OR5P3: variants seen among roughly 807,000 people sequenced by gnomAD.
OR5P3 encodes the protein olfactory receptor family 5 subfamily P member 3, also known as olfactory receptor 5P3.
For missense variants in OR5P3, 415 were observed against 375.6 expected (o/e 1.10, Z -0.87); for synonymous variants, 172 against 141.8 (o/e 1.21, Z -1.51).
Position 7,825,197 on chromosome 11 carries a change from T to A in OR5P3, c.776A>T (p.Tyr259Phe). The A allele has an allele frequency of 6.2e-7, 1 of 1,611,846 alleles. No homozygotes were observed. The highest frequency in any genetic ancestry group is 8.5e-7 in the Non-Finnish European group (1 of 1,179,994). ...TLFYGTITFI[Y>F]VMPKSSYSTD... The stretch of plus-strand genomic sequence containing the variant: ...TGAGTAGCTGGACTTGGGCATCACA[T>A]AAATGAAGGTAATGGTCCCATAGAA... The change falls in exon 2 of 2, where the codon TAT becomes TTT. Residue 259 changes from tyrosine to phenylalanine, a missense_variant. Tyr to Phe is a conservative substitution (Grantham distance 22). Transcript: ENST00000641167.
At chr11:7,826,164 T>C (rs564818376) in intron 1 of OR5P3, among the ~76,000 whole-genome samples, 171 bp from the exon 2 acceptor site, 2 of 152,158 alleles carry the variant, frequency 1.3e-5, no homozygotes, top group East Asian at 3.9e-4. Context: ...ACATAAATGT[T>C]CACTGATGTA....
Position 7,825,248 on chromosome 11 carries a change from G to A in OR5P3, c.725C>T (p.Thr242Ile), listed in dbSNP as rs369932144. The change falls in exon 2 of 2, where the codon ACC becomes ATC. Residue 242 changes from threonine to isoleucine, a missense_variant. Coordinates refer to ENST00000641167, the MANE Select transcript of OR5P3 (RefSeq NM_153445.2). ...KGRHKAFSTCTSHLTAVTLFY... is the reference protein window; with the variant it reads ...KGRHKAFSTCISHLTAVTLFY... ...CAGAGTGACTGCAGTGAGGTGGGAG[G>A]TGCAGGTGGAGAAGGCCTTGTGGCG... is the stretch of plus-strand genomic sequence containing the variant. 6.2e-6 allele frequency: 10 copies of A among 1,613,082 alleles called. No homozygotes were observed. The East Asian group carries it at 1.6e-4, about 25-fold the overall frequency.
chr11:7,825,696 GGA>G lies in OR5P3; in HGVS notation c.275_276del (p.Leu92ProfsTer29). 6.2e-7 allele frequency: 1 copy of G among 1,613,224 alleles called. No individual in the cohort carries two copies. Among genetic ancestry groups the G allele is most frequent in the Non-Finnish European group, 8.5e-7 (1 of 1,180,038 alleles). ...LMSFLRKETSLPVAGCVAQLC... is the reference protein window; with the variant it reads ...LMSFLRKETSXPVAGCVAQLC... ...AGCTGGGCCACACAACCAGCAACAG[GGA>G]GAGAGGTTTCTTTCCTTAGGAAGCT... On this transcript the variant is annotated frameshift_variant, in exon 2 of 2. Transcript: ENST00000641167. LOFTEE classifies it low-confidence loss of function (END_TRUNC).
intron 1 of OR5P3, 127 bp from the exon 2 acceptor site, chr11:7,826,120 C>T: frequency 5.2e-6 from 3 of 575,060 alleles, no homozygotes; most frequent in Admixed American, 6.6e-5. Flanking sequence ...GAAGAAAATG[C>T]TTTCACACAC....
At chr11:7,826,477 AGCT>A (rs1857743394) in intron 1 of OR5P3, among the ~76,000 whole-genome samples, 3 of 152,232 alleles carry the variant, frequency 2.0e-5, no homozygotes, top group African/African-American at 7.2e-5. Context: ...CAAACAGATT[AGCT>A]GCATGCTAAT....
At chr11:7,826,679 T>C (rs1857745610) in intron 1 of OR5P3, among the ~76,000 whole-genome samples, 1 of 152,170 alleles carries the variant, frequency 6.6e-6, no homozygotes, top group Non-Finnish European at 1.5e-5. Context: ...ATGAGATATC[T>C]CCTAATTATC....
intron 1 of OR5P3, among the ~76,000 whole-genome samples, chr11:7,826,254 C>T (rs539487404): frequency 2.0e-5 from 3 of 151,682 alleles, no homozygotes; most frequent in East Asian, 1.9e-4. Flanking sequence ...AATTTAGGTG[C>T]TCTCTGAGCA....
Position 7,825,213 on chromosome 11 carries a change from T to C in OR5P3, c.760A>G (p.Thr254Ala). The C allele has an allele frequency of 6.2e-7, 1 of 1,612,722 alleles. No individual in the cohort carries two copies. Residue 254 changes from threonine (T) to alanine (A), a missense_variant, in exon 2 of 2, where the codon ACC becomes GCC. Transcript: ENST00000641167. ...HLTAVTLFYG[T>A]ITFIYVMPKS... ...GGCATCACATAAATGAAGGTAATGG[T>C]CCCATAGAACAGAGTGACTGCAGTG...
intron 1 of OR5P3, among the ~76,000 whole-genome samples, chr11:7,827,497 A>T (rs1311361311): frequency 6.6e-6 from 1 of 152,172 alleles, no homozygotes; most frequent in Non-Finnish European, 1.5e-5. Flanking sequence ...CTGAGCAACG[A>T]AAGGGACAGA....
chr11:7,826,028 T>A, intron 1 of OR5P3, 35 bp from the exon 2 acceptor site: 2 of 949,288 alleles, frequency 2.1e-6, no homozygotes, highest in Non-Finnish European at 3.2e-6. Context: ...ATAATGGGAT[T>A]AAATGCTATA....
rs777092731 is a variant in OR5P3, at chr11:7,825,806, T to G, written c.167A>C (p.His56Pro). ...GCAGAGGAAAATGTACATGGGTGTA[T>G]GAAGATGATGACTTCTTCTGATCAA... is the stretch of plus-strand genomic sequence containing the variant. ...IVLIRRSHHL[H>P]TPMYIFLCHL... Residue 56 changes from histidine (H) to proline (P), a missense_variant, in exon 2 of 2, where the codon CAT becomes CCT. Transcript: ENST00000641167. 1 of 1,613,210 alleles carries G rather than the reference T, an allele frequency of 6.2e-7. No individual in the cohort carries two copies. The highest frequency in any genetic ancestry group is 8.5e-7 in the Non-Finnish European group (1 of 1,180,018).
In OR5P3 at chr11:7,825,552, A is replaced by C. The variant is rs1408415942; in HGVS notation, c.421T>G (p.Cys141Gly). Residue 141 changes from cysteine to glycine, a missense_variant, in exon 2 of 2, where the codon TGC becomes GGC. By Grantham distance (159) the Cys-to-Gly change is radical. Transcript: ENST00000641167. ...TAGGACATGCCCACTAAGATGATGC[A>C]GACTCCAGGGGACATGCAGGTAGAG... Reference protein sequence around the residue: ...LYSTCMSPGVCIILVGMSYLG... With the variant: ...LYSTCMSPGVGIILVGMSYLG... The C allele has an allele frequency of 1.9e-6, 3 of 1,613,240 alleles. No homozygotes were observed. In the Admixed American group the frequency reaches 5.0e-5, roughly 27 times the overall value.
chr11:7,829,795 A>G (rs976755283), intron 1 of OR5P3, among the ~76,000 whole-genome samples: 1 of 152,158 alleles, frequency 6.6e-6, no homozygotes. Context: ...TTTTTAAAAA[A>G]GTAGAGAGGA....
Position 7,828,468 on chromosome 11 carries a change from T to C in OR5P3, c.-22+2356A>G, listed in dbSNP as rs562654187. 1.1e-3 allele frequency among the ~76,000 whole-genome samples: 167 copies of C among 152,248 alleles called. 1 individual carries two copies. The highest frequency in any genetic ancestry group is 3.4e-3 in the African/African-American group (143 of 41,552). On this transcript the variant is annotated intron_variant, in intron 1 of 1. Coordinates refer to ENST00000641167, the MANE Select transcript of OR5P3 (RefSeq NM_153445.2). ...CACACAATTGTCTAACATACATTAG[T>C]TGCTACAATTTAATTGCTGAATAGC...
intron 1 of OR5P3, among the ~76,000 whole-genome samples, chr11:7,829,071 A>G (rs1857778997): frequency 6.6e-6 from 1 of 152,170 alleles, no homozygotes; most frequent in Admixed American, 6.5e-5. Flanking sequence ...CATAAATATG[A>G]AAAAATATTT....
At chr11:7,826,800 C>A (rs918143643) in intron 1 of OR5P3, among the ~76,000 whole-genome samples, 3 of 152,194 alleles carry the variant, frequency 2.0e-5, no homozygotes, top group African/African-American at 7.2e-5. Context: ...TCTGCATAAG[C>A]TGGGGCTAGG....
Position 7,825,600 on chromosome 11 carries a change from C to T in OR5P3, c.373G>A (p.Ala125Thr), listed in dbSNP as rs200064730. The T allele has an allele frequency of 7.7e-5, 125 of 1,613,108 alleles. No individual in the cohort carries two copies. Among genetic ancestry groups the T allele is most frequent in the Non-Finnish European group, 2.5e-6 (3 of 1,180,020 alleles). Residue 125 changes from alanine to threonine, a missense_variant, in exon 2 of 2, where the codon GCC becomes ACC. Physicochemically the swap from Ala to Thr is moderately conservative, Grantham distance 58. Transcript: ENST00000641167. ...LAAMAYDRYV[A>T]ICSPLLYSTC... ...GAGTAGAGCAGGGGTGAGCAGATGG[C>T]CACATAGCGATCATAGGCCATGGCA...
At chr11:7,829,206 G>A (rs1482796) in intron 1 of OR5P3, among the ~76,000 whole-genome samples, 86,178 of 151,920 alleles carry the variant, frequency 0.57, 26,849 homozygotes, top group Middle Eastern at 0.71. Flanking sequence ...GCATCAGCAA[G>A]ATGGGGAAGA....
Position 7,825,179 on chromosome 11 carries a change from C to A in OR5P3, c.794G>T (p.Ser265Ile), listed in dbSNP as rs143222352. 6.8e-6 allele frequency: 11 copies of A among 1,608,822 alleles called. No individual in the cohort carries two copies. The African/African-American group carries it at 8.6e-5, about 13-fold the overall frequency. Residue 265 changes from serine (S) to isoleucine (I), a missense_variant, in exon 2 of 2, where the codon AGC (serine) becomes ATC (isoleucine). Coordinates refer to ENST00000641167, the MANE Select transcript of OR5P3 (RefSeq NM_153445.2). ...CACCTTGTTCTGGTCAGTTGAGTAG[C>A]TGGACTTGGGCATCACATAAATGAA... Reference protein sequence around the residue: ...ITFIYVMPKSSYSTDQNKVVS... With the variant: ...ITFIYVMPKSIYSTDQNKVVS...
Sources: gnomAD v4.1 joint callset for allele counts (sites outside exome capture counted in the v4.1 genomes callset) on GRCh38, gnomAD v4.1.1 for gene constraint, MANE v1.5 for transcripts, NCBI Gene and HGNC (gene_info 2026-07-23, HGNC 2026-07-21) for gene names.